Variants in GEMIN5 observed in about 807,000 individuals in gnomAD.
GEMIN5 encodes gem-associated protein 5.
Under a neutral mutation model 176.9 loss-of-function variants are expected in GEMIN5, and 124 were observed. The ratio of observed to expected loss-of-function variants is 0.70; its 90% CI spans 0.61 to 0.81. The LOEUF (loss-of-function observed/expected upper bound fraction) is 0.81, where lower values mean the gene tolerates loss of function less well. Ranked by LOEUF, GEMIN5 falls within the 40% of genes least tolerant of loss-of-function variation. The pLI is 0.00. For synonymous variants in GEMIN5, 673 were observed against 665.2 expected, an observed-to-expected ratio of 1.01 and a Z score of -0.18; for missense variants, 1,843 against 1,814.6, an observed-to-expected ratio of 1.02 and a Z score of -0.28.
intron 11 of GEMIN5, 104 bp downstream of exon 11, chr5:154,919,863 T>C: frequency 1.0e-6 from 1 of 955,386 alleles, no homozygotes; most frequent in Non-Finnish European, 1.6e-6. Flanking sequence ...TCTGACTTAG[T>C]ATGATGATGG....
chr5:154,891,765 C>G (rs1398334524), intron 25 of GEMIN5, 23 bp from the exon 26 acceptor site: 1 of 1,549,618 alleles, frequency 6.5e-7, no homozygotes, highest in Non-Finnish European at 8.7e-7. Flanking sequence ...GAAAAAGATA[C>G]TGGGTCATGC....
chr5:154,892,596 G>C, intron 24 of GEMIN5, 47 bp from the exon 25 acceptor site: 3 of 1,572,586 alleles, frequency 1.9e-6, no homozygotes, highest in Non-Finnish European at 2.6e-6. Context: ...CCCACGGTAG[G>C]CGCAGAGGAT....
At chr5:154,928,452 C>T in intron 6 of GEMIN5, 75 bp downstream of exon 6, 2 of 1,351,912 alleles carry the variant, frequency 1.5e-6, no homozygotes, top group South Asian at 1.2e-5. Flanking sequence ...CCATTACTTT[C>T]TCCATCCTAG....
At chr5:154,920,215 T>G in intron 10 of GEMIN5, 112 bp from the exon 11 acceptor site, 1 of 720,800 alleles carries the variant, frequency 1.4e-6, no homozygotes, top group Non-Finnish European at 2.2e-6. Flanking sequence ...GAACTATATA[T>G]TTGAAACATT....
In GEMIN5 at chr5:154,935,957, T is replaced by G. The variant is rs766100059; in HGVS notation, c.393A>C (p.Lys131Asn). Residue 131 changes from lysine to asparagine, a missense_variant, in exon 3 of 28, where the codon AAA (lysine) becomes AAC (asparagine). Lys to Asn is a moderately conservative substitution (Grantham distance 94, BLOSUM62 0). Coordinates refer to ENST00000285873, the MANE Select transcript of GEMIN5 (RefSeq NM_015465.5). ...VKDLIVSGDE[K>N]GVVFCYWFNR... ...TAAACCAGTAACAGAAAACTACTCC[T>G]TTTTCATCCCCAGATACTATTAAGT... The G allele has an allele frequency of 1.2e-6, 2 of 1,610,574 alleles. No homozygotes were observed. The highest frequency in any genetic ancestry group is 1.1e-5 in the South Asian group (1 of 91,004).
At position 154,938,005 on chromosome 5, in the gene GEMIN5, C is replaced by T; in HGVS notation, c.129G>A (p.Pro43=). 3 of 1,569,556 alleles carry T rather than the reference C, an allele frequency of 1.9e-6. No individual in the cohort carries two copies. Among genetic ancestry groups the T allele is most frequent in the Non-Finnish European group, 2.6e-6 (3 of 1,160,662 alleles). Residue 43 remains proline, a synonymous_variant, in exon 1 of 28, where the codon CCG becomes CCA. Transcript: ENST00000285873. ...RTSVFLVRVG[P]GAGESPGTPP... is the part of the protein sequence containing the mutation. ...GTGTCCCTGGACTCTCGCCTGCGCC[C>T]GGGCCCACGCGGACAAGGAAGACGG... is the stretch of plus-strand genomic sequence containing the variant.
intron 15 of GEMIN5, among the ~76,000 whole-genome samples, chr5:154,911,484 G>A (rs1165712525): frequency 6.6e-6 from 1 of 152,178 alleles, no homozygotes; most frequent in Non-Finnish European, 1.5e-5. Flanking sequence ...CTACATTCCA[G>A]TCTGGGCAAC....
chr5:154,907,464 A>C (rs1377171065), intron 16 of GEMIN5, 127 bp downstream of exon 16: 6 of 669,736 alleles, frequency 9.0e-6, no homozygotes, highest in Admixed American at 2.9e-5. Flanking sequence ...CTTAACAAAA[A>C]AAACTAATGC....
At chr5:154,916,139 T>C (rs768362841) in intron 13 of GEMIN5, among the ~76,000 whole-genome samples, 2 of 152,086 alleles carry the variant, frequency 1.3e-5, no homozygotes, top group Non-Finnish European at 1.5e-5. Context: ...CCTTCCACTA[T>C]GGCCTCCCAA....
intron 3 of GEMIN5, among the ~76,000 whole-genome samples, chr5:154,933,391 G>C (rs1034216893): frequency 1.3e-5 from 2 of 151,920 alleles, no homozygotes; most frequent in Non-Finnish European, 2.9e-5. Flanking sequence ...TCTAGTTCCT[G>C]GCCAGTCATT....
At chr5:154,898,383 G>T in intron 23 of GEMIN5, 57 bp downstream of exon 23, 1 of 1,468,844 alleles carries the variant, frequency 6.8e-7, no homozygotes, top group South Asian at 1.1e-5. Flanking sequence ...GATTTGACTA[G>T]AAAAGGATTT....
intron 15 of GEMIN5, among the ~76,000 whole-genome samples, chr5:154,910,197 T>G (rs755679609): frequency 1.3e-5 from 2 of 152,134 alleles, no homozygotes; most frequent in Non-Finnish European, 2.9e-5. Context: ...TACCAGTTTT[T>G]GGTGATCACA....
intron 15 of GEMIN5, among the ~76,000 whole-genome samples, chr5:154,911,208 A>T (rs1240740206): frequency 6.6e-6 from 1 of 152,134 alleles, no homozygotes; most frequent in African/African-American, 2.4e-5. Context: ...TTAGTGGAGA[A>T]TGTCATTTAG....
chr5:154,915,390 A>C (rs1296958730), intron 13 of GEMIN5, among the ~76,000 whole-genome samples: 1 of 152,228 alleles, frequency 6.6e-6, no homozygotes, highest in Non-Finnish European at 1.5e-5. Context: ...ATATTAGGAA[A>C]AAAAGTAATC....
At chr5:154,911,608 A>G in intron 15 of GEMIN5, 119 bp downstream of exon 15, 2 of 798,674 alleles carry the variant, frequency 2.5e-6, no homozygotes, top group Non-Finnish European at 3.9e-6. Flanking sequence ...GCTTAGGCTC[A>G]GACCCCTGCC....
At chr5:154,922,451 G>A (rs1287818060) in intron 9 of GEMIN5, among the ~76,000 whole-genome samples, 3 of 152,126 alleles carry the variant, frequency 2.0e-5, no homozygotes, top group African/African-American at 2.4e-5. Context: ...CACTGTGCCC[G>A]GCCTACTTTA....
Position 154,935,915 on chromosome 5 carries a change from C to G in GEMIN5, c.435G>C (p.Gln145His), listed in dbSNP as rs745922650. ...FCYWFNRNDS[Q>H]HLFIEPRTIF... Reference sequence around the variant, plus strand: ...TTGTCCTGGGTTCTATAAAGAGGTGCTGGCTGTCATTTCTGTTAAACCAGT... The same window carrying G: ...TTGTCCTGGGTTCTATAAAGAGGTGGTGGCTGTCATTTCTGTTAAACCAGT... Residue 145 changes from glutamine to histidine, a missense_variant, in exon 3 of 28, where the codon CAG becomes CAC. Physicochemically the swap from Gln to His is conservative, Grantham distance 24. Transcript: ENST00000285873. 5 of 1,613,266 alleles carry G rather than the reference C, an allele frequency of 3.1e-6. No homozygotes were observed. Among genetic ancestry groups the G allele is most frequent in the Non-Finnish European group, 4.2e-6 (5 of 1,179,346 alleles).
chr5:154,918,208 C>CA (rs1362168393), intron 11 of GEMIN5, among the ~76,000 whole-genome samples: 3 of 151,934 alleles, frequency 2.0e-5, no homozygotes, highest in Non-Finnish European at 2.9e-5. Context: ...AAAAACAAAA[C>CA]AAAAAAACCC....
At chr5:154,897,126 C>G (rs531666047) in intron 23 of GEMIN5, among the ~76,000 whole-genome samples, 3 of 152,298 alleles carry the variant, frequency 2.0e-5, no homozygotes, top group African/African-American at 7.2e-5. Flanking sequence ...TAGACTTGGT[C>G]ATTTTATAAA....
Sources: allele counts gnomAD v4.1 joint callset (sites outside exome capture counted in the v4.1 genomes callset), GRCh38; gene constraint gnomAD v4.1.1; transcripts MANE v1.5; gene names NCBI Gene and HGNC (gene_info 2026-07-23, HGNC 2026-07-21).